Variants in SNTG2 observed in about 807,000 individuals in gnomAD.
The protein encoded by SNTG2 is syntrophin gamma 2.
Under a neutral mutation model 70.9 loss-of-function variants are expected in SNTG2, and 74 were observed. The ratio of observed to expected loss-of-function variants is 1.04; its 90% CI spans 0.86 to 1.27. SNTG2 has a LOEUF of 1.27. Ranked by LOEUF, SNTG2 falls within the 50% of genes most tolerant of loss-of-function variation. SNTG2 has a pLI of 0.00. For missense variants in SNTG2, 717 were observed against 690.7 expected (o/e 1.04, Z -0.43); for synonymous variants, 278 against 273.8 (o/e 1.02, Z -0.15).
intron 8 of SNTG2, 45 bp downstream of exon 8, chr2:1,173,228 C>T: frequency 1.3e-6 from 2 of 1,504,414 alleles, no homozygotes; most frequent in Non-Finnish European, 1.8e-6. Context: ...ACAGAAATAT[C>T]AGTAGCCCAG....
chr2:1,328,816 CAT>C (rs1304015455), intron 16 of SNTG2, among the ~76,000 whole-genome samples: 1 of 152,094 alleles, frequency 6.6e-6, no homozygotes, highest in African/African-American at 2.4e-5. Context: ...CATACACACA[CAT>C]GCACGCACAT....
intron 1 of SNTG2, among the ~76,000 whole-genome samples, chr2:964,861 G>T (rs1660472948): frequency 6.6e-6 from 1 of 152,162 alleles, no homozygotes; most frequent in East Asian, 1.9e-4. Flanking sequence ...CTCCTCTTGG[G>T]TGGGGTTTCT....
At chr2:1,320,940 G>C (rs1430374718) in intron 16 of SNTG2, among the ~76,000 whole-genome samples, 4 of 152,194 alleles carry the variant, frequency 2.6e-5, no homozygotes, top group Non-Finnish European at 4.4e-5. Flanking sequence ...CCTCTAGGCT[G>C]AGCCTCCAAA....
In SNTG2 at chr2:1,317,203, T is replaced by C. The variant is rs1203618621; in HGVS notation, c.1488+828T>C. Among the ~76,000 whole-genome samples, 2 of 86,912 alleles carry C rather than the reference T, an allele frequency of 2.3e-5. 1 individual carries two copies. The highest frequency in any genetic ancestry group is 4.7e-5 in the Non-Finnish European group (2 of 42,486). The allele number at this position is 86,912 out of a possible 152,430, so 57.0% of individuals were successfully genotyped here. On this transcript the variant is annotated intron_variant, in intron 16 of 16. Transcript: ENST00000308624. Reference sequence around the variant, plus strand: ...AGCATGAGGCCAGCATTGGAGAAGGTTGGGATTCTGGAACATTTAGCGTCC... The same window carrying C: ...AGCATGAGGCCAGCATTGGAGAAGGCTGGGATTCTGGAACATTTAGCGTCC...
chr2:1,096,512 C>T (rs769928034), intron 2 of SNTG2, among the ~76,000 whole-genome samples: 2 of 152,108 alleles, frequency 1.3e-5, no homozygotes, highest in African/African-American at 4.8e-5. Context: ...CTGGTAAACA[C>T]GGTTCTACCC....
At chr2:1,181,196 A>C (rs1001909488) in intron 8 of SNTG2, among the ~76,000 whole-genome samples, 3 of 149,826 alleles carry the variant, frequency 2.0e-5, no homozygotes, top group Admixed American at 6.8e-5. Flanking sequence ...GTGCACATGT[A>C]CCCTAAAACT....
At chr2:1,051,743 G>T (rs1662086131) in intron 1 of SNTG2, among the ~76,000 whole-genome samples, 1 of 152,208 alleles carries the variant, frequency 6.6e-6, no homozygotes. Flanking sequence ...CACCACAGGA[G>T]CGATCTGGAA....
chr2:1,113,980 G>A (rs778219897), intron 4 of SNTG2, among the ~76,000 whole-genome samples: 1 of 151,526 alleles, frequency 6.6e-6, no homozygotes, highest in Non-Finnish European at 1.5e-5. Context: ...CCTTTGAGGA[G>A]GGTGGTGTGT....
chr2:1,057,895 G>A (rs1389251931), intron 1 of SNTG2, among the ~76,000 whole-genome samples: 2 of 152,092 alleles, frequency 1.3e-5, no homozygotes, highest in African/African-American at 2.4e-5. Context: ...AAAAAAATTA[G>A]GTGGCATGGT....
chr2:1,197,527 G>GTATGTATATA (rs57293269), intron 8 of SNTG2, among the ~76,000 whole-genome samples: 23 of 96,720 alleles, frequency 2.4e-4, no homozygotes, highest in African/African-American at 6.5e-4. Context: ...GTGTGTGTGT[G>GTATGTATATA]TGTGTGTGTG....
At chr2:1,327,596 C>T (rs1032096644) in intron 16 of SNTG2, among the ~76,000 whole-genome samples, 1 of 152,126 alleles carries the variant, frequency 6.6e-6, no homozygotes. Flanking sequence ...GGACATTAGA[C>T]AAATCCAGCC....
At chr2:1,058,805 C>T (rs77016044) in intron 1 of SNTG2, among the ~76,000 whole-genome samples, 1,639 of 152,326 alleles carry the variant, frequency 0.011, 30 homozygotes, top group Non-Finnish European at 0.012. Context: ...CCTGTTTGTG[C>T]CACACAAGCC....
chr2:1,307,098 A>G (rs1195843153), intron 14 of SNTG2, among the ~76,000 whole-genome samples: 12 of 131,130 alleles, frequency 9.2e-5, no homozygotes, highest in African/African-American at 3.3e-4. Context: ...TGAACCATGC[A>G]CTGTGTGTGT....
At chr2:1,291,082 G>T (rs1340918670) in intron 14 of SNTG2, among the ~76,000 whole-genome samples, 2 of 152,168 alleles carry the variant, frequency 1.3e-5, no homozygotes, top group African/African-American at 4.8e-5. Context: ...ACTGAGGTTT[G>T]ATTTTTGTTT....
At chr2:1,300,265 A>G (rs1680401861) in intron 14 of SNTG2, among the ~76,000 whole-genome samples, 1 of 152,228 alleles carries the variant, frequency 6.6e-6, no homozygotes, top group South Asian at 2.1e-4. Flanking sequence ...TGTTACCATC[A>G]CCGCTCTGAA....
chr2:1,229,375 A>T (rs1485732557), intron 9 of SNTG2, among the ~76,000 whole-genome samples: 1 of 152,194 alleles, frequency 6.6e-6, no homozygotes, highest in East Asian at 1.9e-4. Flanking sequence ...CAGAGTGTCC[A>T]TTGGTGCATT....
At chr2:1,160,939 T>C (rs1278300940) in intron 6 of SNTG2, 1 of 152,242 alleles carries the variant, frequency 6.6e-6, no homozygotes, top group African/African-American at 2.4e-5. Context: ...GTGAATCCAA[T>C]GGCTTCAGAG....
chr2:1,091,145 T>A, intron 2 of SNTG2, among the ~76,000 whole-genome samples: 1 of 152,126 alleles, frequency 6.6e-6, no homozygotes, highest in Non-Finnish European at 1.5e-5. Flanking sequence ...CTGTGACTAA[T>A]CTTGGTGGGT....
chr2:997,975 G>A (rs1410882871), intron 1 of SNTG2, among the ~76,000 whole-genome samples: 1 of 152,166 alleles, frequency 6.6e-6, no homozygotes, highest in African/African-American at 2.4e-5. Context: ...TCTGCAAGAG[G>A]CTGTTAGCCT....
Sources: gnomAD v4.1 joint callset for allele counts (sites outside exome capture counted in the v4.1 genomes callset) on GRCh38, gnomAD v4.1.1 for gene constraint, MANE v1.5 for transcripts, NCBI Gene and HGNC (gene_info 2026-07-23, HGNC 2026-07-21) for gene names.